Variants in INPP5A observed in about 807,000 individuals in gnomAD.
INPP5A encodes 43 kDa inositol polyphosphate 5-phophatase.
A neutral mutation model predicts 65.2 loss-of-function variants in INPP5A; 14 were observed. That is an observed-to-expected ratio of 0.21 (90% CI 0.14 to 0.34). The LOEUF is 0.34. INPP5A is among the 10% of genes least tolerant of loss of function. INPP5A has a pLI of 1.00. For missense variants in INPP5A, 431 were observed against 545.6 expected (o/e 0.79, Z 2.09); for synonymous variants, 207 against 208.3 (o/e 0.99, Z 0.05).
chr10:132,662,625 A>G (rs1485920124), intron 4 of INPP5A, among the ~76,000 whole-genome samples: 1 of 152,212 alleles, frequency 6.6e-6, no homozygotes. Context: ...TCCAGTGAGC[A>G]CTAAGGAGAA....
intron 12 of INPP5A, among the ~76,000 whole-genome samples, chr10:132,774,089 G>A (rs187010648): frequency 3.6e-4 from 55 of 152,308 alleles, no homozygotes; most frequent in African/African-American, 1.2e-3. Context: ...AGTCTGTGCC[G>A]CTTCCTTCTC....
At chr10:132,628,463 CGGGGG>C (rs55668291) in intron 2 of INPP5A, among the ~76,000 whole-genome samples, 641 of 23,328 alleles carry the variant, frequency 0.027, 41 homozygotes, top group African/African-American at 0.081. Flanking sequence ...GCTCTGGTGG[CGGGGG>C]GGGGGGGGGG....
Position 132,704,438 on chromosome 10 carries a change from T to C in INPP5A, c.475-3875T>C, listed in dbSNP as rs143024385. Among the ~76,000 whole-genome samples the C allele has an allele frequency of 3.1e-3, 475 of 152,326 alleles. 1 individual carries two copies. The highest frequency in any genetic ancestry group is 5.6e-3 in the Non-Finnish European group (379 of 68,028). On this transcript the variant is annotated intron_variant, in intron 6 of 15. Transcript: ENST00000368594. This position sits in a 1 kb window ranked among gnomAD's most constrained non-coding sequence, Gnocchi z 4.5. ...TGTGAGCCTCAGTTTCCCTTTCTGGTCGGCCCGAGGGTTGGGTGTGTGCCT... is the reference window on the plus strand; with the variant it reads ...TGTGAGCCTCAGTTTCCCTTTCTGGCCGGCCCGAGGGTTGGGTGTGTGCCT...
intron 4 of INPP5A, among the ~76,000 whole-genome samples, chr10:132,684,209 G>A (rs2073087466): frequency 6.6e-6 from 1 of 152,084 alleles, no homozygotes; most frequent in Non-Finnish European, 1.5e-5. Context: ...TTCTATCATA[G>A]GAATATTTCA....
rs2072036381 is a variant in INPP5A, at chr10:132,616,562, G to A, written c.117+8606G>A. Among the ~76,000 whole-genome samples the A allele has an allele frequency of 6.6e-6, 1 of 152,096 alleles. No homozygotes were observed. ...GTATGGGACGTGGTGGTGACATAGT[G>A]TGTGTTGGTGATAGGGGATGGGGTG... On this transcript the variant is annotated intron_variant, in intron 2 of 15. Transcript: ENST00000368594. This position sits in a 1 kb window ranked among gnomAD's most constrained non-coding sequence, Gnocchi z 4.9.
At chr10:132,683,696 G>A (rs963630399) in intron 4 of INPP5A, among the ~76,000 whole-genome samples, 9 of 152,200 alleles carry the variant, frequency 5.9e-5, no homozygotes, top group Non-Finnish European at 1.2e-4. Context: ...ACAGAGAAAT[G>A]GATAAATTAC....
chr10:132,548,204 T>C lies in INPP5A; in HGVS notation c.75+10033T>C, dbSNP rs139407222. The stretch of plus-strand genomic sequence containing the variant: ...CATGGTGTCTTTATTCGGGTTCTGC[T>C]CAAATGGGTGGAGGGGTGGGGTGGG... On this transcript the variant is annotated intron_variant, in intron 1 of 15. Transcript: ENST00000368594. 2.3e-3 allele frequency among the ~76,000 whole-genome samples: 347 copies of C among 151,842 alleles called. 1 individual carries two copies. Among genetic ancestry groups the C allele is most frequent in the African/African-American group, 7.6e-3 (314 of 41,368 alleles).
At chr10:132,559,888 A>G (rs934712710) in intron 1 of INPP5A, among the ~76,000 whole-genome samples, 7 of 152,226 alleles carry the variant, frequency 4.6e-5, no homozygotes, top group Non-Finnish European at 1.0e-4. Context: ...GTATCTGTTC[A>G]TCAGTGGATG....
In INPP5A at chr10:132,550,516, T is replaced by C. The variant is rs944063568; in HGVS notation, c.75+12345T>C. Reference sequence around the variant, plus strand: ...GAGGAGGGAAGCGACACCCTTGGGCTGAGCTTTTCCGTGAACCGGCAGCTG... The same window carrying C: ...GAGGAGGGAAGCGACACCCTTGGGCCGAGCTTTTCCGTGAACCGGCAGCTG... On this transcript the variant is annotated intron_variant, in intron 1 of 15. Coordinates refer to ENST00000368594, the MANE Select transcript of INPP5A (RefSeq NM_005539.5). This position sits in a 1 kb window ranked among gnomAD's most constrained non-coding sequence, Gnocchi z 4.2. 3.3e-5 allele frequency among the ~76,000 whole-genome samples: 5 copies of C among 152,236 alleles called. No individual in the cohort carries two copies. The highest frequency in any genetic ancestry group is 1.2e-4 in the African/African-American group (5 of 41,456).
In INPP5A at chr10:132,650,301, G is replaced by T. The variant is rs2072557105; in HGVS notation, c.219-117G>T. 2 of 704,642 alleles carry T rather than the reference G, an allele frequency of 2.8e-6. No homozygotes were observed. Among genetic ancestry groups the T allele is most frequent in the African/African-American group, 1.8e-5 (1 of 56,978 alleles). The allele number at this position is 704,642 out of a possible 1,614,324, so 43.6% of individuals were successfully genotyped here. A position where few individuals can be genotyped will look rare whatever the true frequency, so the allele number is the denominator to read the frequency against. Reference sequence around the variant, plus strand: ...CCCTGCCCTCTGCCTGTCACGGGTGGATGGTCTCACGGTGATGTACCTATG... The same window carrying T: ...CCCTGCCCTCTGCCTGTCACGGGTGTATGGTCTCACGGTGATGTACCTATG... On this transcript the variant is annotated intron_variant, in intron 3 of 15. Coordinates refer to ENST00000368594, the MANE Select transcript of INPP5A (RefSeq NM_005539.5). The surrounding 1 kb of genome is among the most constrained non-coding windows in gnomAD (Gnocchi z 5.5).
intron 2 of INPP5A, among the ~76,000 whole-genome samples, chr10:132,645,387 G>C (rs2072479648): frequency 6.6e-6 from 1 of 152,194 alleles, no homozygotes. Flanking sequence ...TGCATACACA[G>C]GCACATGTGT....
At chr10:132,746,350 T>G (rs139721934) in intron 9 of INPP5A, among the ~76,000 whole-genome samples, 1,937 of 152,356 alleles carry the variant, frequency 0.013, 22 homozygotes, top group Non-Finnish European at 0.021. Flanking sequence ...TTGGATTTTG[T>G]GGCAGAGTGT....
intron 2 of INPP5A, among the ~76,000 whole-genome samples, chr10:132,617,429 C>G (rs887410269): frequency 6.6e-6 from 1 of 152,226 alleles, no homozygotes; most frequent in Admixed American, 6.5e-5. Context: ...GGCATGCTCA[C>G]ACTCACACAC....
intron 1 of INPP5A, among the ~76,000 whole-genome samples, chr10:132,595,224 C>T (rs954612663): frequency 2.0e-5 from 3 of 152,150 alleles, no homozygotes; most frequent in Non-Finnish European, 4.4e-5. Flanking sequence ...TTGGCCACAG[C>T]GAGGAAGGGG....
rs111555812 is a variant in INPP5A at position 132,599,740 on chromosome 10, G to A, written c.76-8175G>A. Among the ~76,000 whole-genome samples the A allele has an allele frequency of 6.6e-3, 1,000 of 152,340 alleles. 8 individuals carry two copies. Among genetic ancestry groups the A allele is most frequent in the African/African-American group, 0.023 (943 of 41,572 alleles). On this transcript the variant is annotated intron_variant, in intron 1 of 15. Transcript: ENST00000368594. ...TGCAGCAAACTTTTGCCTGGACATC[G>A]AGGCATTTTCATACATCTTCTGAAA...
chr10:132,713,223 C>T (rs1056843385), intron 8 of INPP5A, among the ~76,000 whole-genome samples: 13 of 150,090 alleles, frequency 8.7e-5, no homozygotes, highest in Non-Finnish European at 1.3e-4. Flanking sequence ...GGTGTGCACA[C>T]GTGTGTGTAG....
intron 1 of INPP5A, among the ~76,000 whole-genome samples, chr10:132,557,049 TTGTG>T (rs2071136544): frequency 1.3e-5 from 2 of 152,194 alleles, no homozygotes; most frequent in African/African-American, 4.8e-5. Context: ...GTTGTGGCCT[TTGTG>T]TGTGTGTTTC....
intron 2 of INPP5A, among the ~76,000 whole-genome samples, chr10:132,645,430 A>G (rs2072480498): frequency 6.6e-6 from 1 of 152,238 alleles, no homozygotes. Context: ...GCGTGCTGGT[A>G]CGTGCTCCCG....
intron 8 of INPP5A, among the ~76,000 whole-genome samples, chr10:132,725,343 G>A (rs1332302277): frequency 6.6e-6 from 1 of 152,208 alleles, no homozygotes; most frequent in Admixed American, 6.5e-5. Context: ...TAAAGGCCCT[G>A]GACAGTGCAG....
Sources: gnomAD v4.1 joint callset for allele counts (sites outside exome capture counted in the v4.1 genomes callset) on GRCh38, gnomAD v4.1.1 for gene constraint, Gnocchi (gnomAD v3.1) non-coding constraint, MANE v1.5 for transcripts, NCBI Gene and HGNC (gene_info 2026-07-23, HGNC 2026-07-21) for gene names.